TMC5: variants seen among roughly 807,000 people sequenced by gnomAD.
TMC5 encodes the protein transmembrane channel like 5.
TMC5 carries 86 observed loss-of-function variants against 110.5 expected under a neutral mutation model. The observed-to-expected ratio is 0.78, with a 90% CI of 0.65 to 0.93. TMC5 has a LOEUF of 0.93. Ranked by LOEUF, TMC5 falls within the 40% of genes least tolerant of loss-of-function variation. TMC5 has a pLI of 0.00. For synonymous variants in TMC5, 455 were observed against 439.5 expected, an observed-to-expected ratio of 1.04 and a Z score of -0.44; for missense variants, 1,144 against 1,222.8, an observed-to-expected ratio of 0.94 and a Z score of 0.96.
Position 19,466,112 on chromosome 16 carries a change from G to C in TMC5, c.1516G>C (p.Gly506Arg), listed in dbSNP as rs777112016. The C allele has an allele frequency of 1.2e-6, 2 of 1,614,020 alleles. No homozygotes were observed. The highest frequency in any genetic ancestry group is 1.7e-5 in the Admixed American group (1 of 59,986). The stretch of plus-strand genomic sequence containing the variant: ...TTTTAGGGACACAGTGATGTACTAT[G>C]GCTTTTACACCAATTCCACCATCCA... ...GYFRDTVMYY[G>R]FYTNSTIQHG... The change falls in exon 9 of 22, where the codon GGC becomes CGC. Residue 506 changes from glycine to arginine, a missense_variant. Physicochemically the swap from Gly to Arg is moderately radical, Grantham distance 125 (BLOSUM62 -2). Coordinates refer to ENST00000542583, the MANE Select transcript of TMC5 (RefSeq NM_001261841.2).
intron 1 of TMC5, chr16:19,411,545 A>G (rs932426324): frequency 6.6e-6 from 1 of 152,166 alleles, no homozygotes; most frequent in Non-Finnish European, 1.5e-5. Context: ...CGGAGACTGA[A>G]TATTATCTAA....
chr16:19,431,793 AAGG>A (rs1967202425), intron 2 of TMC5, among the ~76,000 whole-genome samples: 1 of 152,162 alleles, frequency 6.6e-6, no homozygotes, highest in Non-Finnish European at 1.5e-5. Context: ...GAGATGGGAA[AAGG>A]AGATTAAAGA....
In TMC5 at chr16:19,494,332, C is replaced by T. The variant is rs542270443; in HGVS notation, c.2897C>T (p.Pro966Leu). 3 of 1,613,722 alleles carry T rather than the reference C, an allele frequency of 1.9e-6. No individual in the cohort carries two copies. The South Asian group carries it at 3.3e-5, about 18-fold the overall frequency. Residue 966 changes from proline (P) to leucine (L), a missense_variant, in exon 20 of 22, where the codon CCC (proline) becomes CTC (leucine). Coordinates refer to ENST00000542583, the MANE Select transcript of TMC5 (RefSeq NM_001261841.2). ...CAGGATATGGAGAAGAAAGCAAACCCCAGCTCACTTGTTCTGGAAAGGAGA... is the reference window on the plus strand; with the variant it reads ...CAGGATATGGAGAAGAAAGCAAACCTCAGCTCACTTGTTCTGGAAAGGAGA... ...KLQDMEKKAN[P>L]SSLVLERREV...
At chr16:19,495,057 C>A (rs1969019322) in intron 20 of TMC5, among the ~76,000 whole-genome samples, 1 of 66,382 alleles carries the variant, frequency 1.5e-5, no homozygotes, top group African/African-American at 4.3e-5. Flanking sequence ...CTCTGTCGCC[C>A]AGGCTGGAGT....
At chr16:19,489,496 A>G (rs1968832102) in intron 17 of TMC5, among the ~76,000 whole-genome samples, 2 of 151,814 alleles carry the variant, frequency 1.3e-5, no homozygotes, top group African/African-American at 4.8e-5. Context: ...CACCACGCCC[A>G]GCTAATTTTT....
rs1009490882 is a variant in TMC5 at position 19,472,232 on chromosome 16, T to C, written c.1927T>C (p.Tyr643His). The C allele has an allele frequency of 1.9e-6, 3 of 1,613,722 alleles. No homozygotes were observed. Among genetic ancestry groups the C allele is most frequent in the Non-Finnish European group, 2.5e-6 (3 of 1,179,962 alleles). ...TGCAGCCGTTTATTACCTGGCTGAG[T>C]ACAACTTAGAGGTAACCAACACCAG... The part of the protein sequence containing the change: ...CCAAVYYLAE[Y>H]NLEFLKTHSN... Residue 643 changes from tyrosine (Y) to histidine (H), a missense_variant, in exon 11 of 22, where the codon TAC becomes CAC. By Grantham distance (83) the Tyr-to-His change is moderately conservative. Transcript: ENST00000542583.
At chr16:19,474,971 A>AC (rs1968449967) in intron 12 of TMC5, 1 of 152,246 alleles carries the variant, frequency 6.6e-6, no homozygotes, top group Middle Eastern at 3.2e-3. Flanking sequence ...TGGGCAACTC[A>AC]CTGGCACCCA....
At chr16:19,465,184 C>T (rs1024639816) in intron 8 of TMC5, among the ~76,000 whole-genome samples, 1 of 149,238 alleles carries the variant, frequency 6.7e-6, no homozygotes, top group African/African-American at 2.5e-5. Context: ...GACTAGGATT[C>T]AGTCAACAAT....
chr16:19,455,557 C>T (rs1486553876), intron 5 of TMC5, among the ~76,000 whole-genome samples: 2 of 152,188 alleles, frequency 1.3e-5, no homozygotes, highest in Admixed American at 1.3e-4. Flanking sequence ...TTTTTCTCTA[C>T]CATCCTTAGC....
At chr16:19,454,931 G>A (rs553291673) in intron 5 of TMC5, among the ~76,000 whole-genome samples, 1 of 152,188 alleles carries the variant, frequency 6.6e-6, no homozygotes, top group Non-Finnish European at 1.5e-5. Flanking sequence ...TTGAAACCAG[G>A]GGTTCGAGAC....
intron 8 of TMC5, among the ~76,000 whole-genome samples, chr16:19,465,050 TCTTTCTTTTCCTTCC>T (rs1163563199): frequency 3.7e-4 from 38 of 103,458 alleles, no homozygotes; most frequent in African/African-American, 9.8e-4. Flanking sequence ...TTTCTTTCTT[TCTTTCTTTTCCTTCC>T]TTCCTTCCTT....
At chr16:19,412,999 A>G (rs1371787750), upstream of TMC5, among the ~76,000 whole-genome samples, 1 of 151,828 alleles carries the variant, frequency 6.6e-6, no homozygotes, top group East Asian at 2.0e-4. Flanking sequence ...GCTCGCCTCT[A>G]CACCCAGCTG....
intron 1 of TMC5, among the ~76,000 whole-genome samples, chr16:19,425,940 G>A (rs1044690908): frequency 2.6e-5 from 4 of 152,174 alleles, no homozygotes; most frequent in African/African-American, 9.7e-5. Flanking sequence ...ACCCGCCTTG[G>A]CCTCCCAAAT....
intron 7 of TMC5, 53 bp downstream of exon 7, chr16:19,463,420 G>A: frequency 7.1e-7 from 1 of 1,411,866 alleles, no homozygotes; most frequent in Non-Finnish European, 1.0e-6. Context: ...AGGGAGGAGA[G>A]TGAGGATGAA....
In TMC5 at chr16:19,464,024, G is replaced by T; in HGVS notation, c.1485G>T (p.Val495=). 1.2e-6 allele frequency: 2 copies of T among 1,613,544 alleles called. No individual in the cohort carries two copies. Among genetic ancestry groups the T allele is most frequent in the Non-Finnish European group, 1.7e-6 (2 of 1,179,720 alleles). The stretch of plus-strand genomic sequence containing the variant: ...CTGGGCTGGAGTTTTTCACTGGGGT[G>T]GTAAGTCCTCCACTTCCCCTACCCC... ...QFTGLEFFTG[V]GYFRDTVMYY... is the part of the protein sequence containing the mutation. Residue 495 remains valine, a splice_region_variant and synonymous_variant, in exon 8 of 22, where the codon GTG becomes GTT. Coordinates refer to ENST00000542583, the MANE Select transcript of TMC5 (RefSeq NM_001261841.2).
At chr16:19,464,991 C>G (rs1968123632) in intron 8 of TMC5, among the ~76,000 whole-genome samples, 1 of 145,342 alleles carries the variant, frequency 6.9e-6, no homozygotes, top group Admixed American at 6.9e-5. Flanking sequence ...TTTTCTTTTC[C>G]TTTCCTTTTG....
chr16:19,466,033 C>CT (rs752827979), intron 8 of TMC5, 49 bp from the exon 9 acceptor site: 59 of 1,595,282 alleles, frequency 3.7e-5, no homozygotes, highest in South Asian at 6.7e-5. Context: ...AATCGTTTAC[C>CT]TTTTTTTTCA....
intron 8 of TMC5, 55 bp downstream of exon 8, chr16:19,464,079 G>A: frequency 6.3e-7 from 1 of 1,578,128 alleles, no homozygotes; most frequent in South Asian, 1.2e-5. Flanking sequence ...GAAACCCAGG[G>A]ACGTGCCTTG....
At chr16:19,479,228 A>C (rs1968557351) in intron 13 of TMC5, among the ~76,000 whole-genome samples, 1 of 152,162 alleles carries the variant, frequency 6.6e-6, no homozygotes, top group South Asian at 2.1e-4. Context: ...TGGGGGAAAG[A>C]AGGAAACCCA....
Sources: gnomAD v4.1 joint callset for allele counts (sites outside exome capture counted in the v4.1 genomes callset) on GRCh38, gnomAD v4.1.1 for gene constraint, MANE v1.5 for transcripts, NCBI Gene and HGNC (gene_info 2026-07-23, HGNC 2026-07-21) for gene names.